The following TAFA1 variants were observed in gnomAD, a reference collection of about 807,000 sequenced individuals.
TAFA1 encodes chemokine-like protein TAFA-1.
Under a neutral mutation model 18.5 loss-of-function variants are expected in TAFA1, and 4 were observed. The ratio of observed to expected loss-of-function variants is 0.22; its 90% CI spans 0.11 to 0.49. TAFA1 has a LOEUF of 0.49. TAFA1 is among the 20% of genes least tolerant of loss of function. The pLI, the probability that TAFA1 is intolerant of heterozygous loss-of-function variation, is 0.98. For missense variants in TAFA1, 147 were observed against 169.0 expected (o/e 0.87, Z 0.72); for synonymous variants, 56 against 55.2 (o/e 1.01, Z -0.06).
intron 2 of TAFA1, among the ~76,000 whole-genome samples, chr3:68,099,214 C>T (rs1335403882): frequency 1.3e-5 from 2 of 151,988 alleles, no homozygotes; most frequent in Non-Finnish European, 2.9e-5. Context: ...ATAGAGTAAA[C>T]AGATAACCTA....
intron 2 of TAFA1, among the ~76,000 whole-genome samples, chr3:68,308,198 G>A (rs1266763592): frequency 6.6e-6 from 1 of 152,016 alleles, no homozygotes; most frequent in Non-Finnish European, 1.5e-5. Flanking sequence ...TTATACTGAA[G>A]GTAATTGTCT....
intron 2 of TAFA1, among the ~76,000 whole-genome samples, chr3:68,206,898 T>C (rs1417350375): frequency 6.6e-6 from 1 of 151,854 alleles, no homozygotes; most frequent in Non-Finnish European, 1.5e-5. Context: ...TCTCCACAGA[T>C]GCTAGGAGCT....
At chr3:68,526,561 G>T (rs2073113920) in intron 3 of TAFA1, among the ~76,000 whole-genome samples, 1 of 152,104 alleles carries the variant, frequency 6.6e-6, no homozygotes, top group African/African-American at 2.4e-5. Flanking sequence ...CTATAAAAAT[G>T]ATTACATATA....
intron 3 of TAFA1, among the ~76,000 whole-genome samples, chr3:68,510,490 G>A (rs191240868): frequency 2.0e-5 from 3 of 152,188 alleles, no homozygotes; most frequent in African/African-American, 7.2e-5. Flanking sequence ...TTAAACCAGG[G>A]AGCCACTGTG....
chr3:68,289,130 T>C (rs1001206012), intron 2 of TAFA1, among the ~76,000 whole-genome samples: 3 of 152,240 alleles, frequency 2.0e-5, no homozygotes, highest in Non-Finnish European at 4.4e-5. Flanking sequence ...TGCCTGTTCA[T>C]GTCTCTAACC....
At chr3:68,503,380 C>T (rs552705411) in intron 3 of TAFA1, among the ~76,000 whole-genome samples, 1 of 152,188 alleles carries the variant, frequency 6.6e-6, no homozygotes, top group East Asian at 1.9e-4. Context: ...TTAGCCTGCA[C>T]TAAAATGAAT....
chr3:68,287,546 C>A (rs905483941), intron 2 of TAFA1, among the ~76,000 whole-genome samples: 15 of 152,116 alleles, frequency 9.9e-5, no homozygotes, highest in African/African-American at 3.6e-4. Context: ...AGTCCAGAAG[C>A]GTGCATCTGG....
At chr3:68,332,296 T>G (rs1204636588) in intron 2 of TAFA1, among the ~76,000 whole-genome samples, 5 of 152,004 alleles carry the variant, frequency 3.3e-5, no homozygotes, top group Non-Finnish European at 7.4e-5. Context: ...ATGTAACATC[T>G]GAAACCATAA....
chr3:68,515,209 G>A (rs1005107297), intron 3 of TAFA1, among the ~76,000 whole-genome samples: 4 of 152,102 alleles, frequency 2.6e-5, no homozygotes, highest in South Asian at 4.1e-4. Flanking sequence ...CCAGAAATAA[G>A]AGTCTAAAAA....
intron 3 of TAFA1, among the ~76,000 whole-genome samples, chr3:68,482,584 T>G (rs1304037614): frequency 6.6e-6 from 1 of 152,198 alleles, no homozygotes; most frequent in African/African-American, 2.4e-5. Flanking sequence ...TCCATGAGTT[T>G]TGCCACACAG....
At chr3:68,324,443 A>G (rs2068745363) in intron 2 of TAFA1, among the ~76,000 whole-genome samples, 1 of 152,192 alleles carries the variant, frequency 6.6e-6, no homozygotes, top group Admixed American at 6.5e-5. Context: ...TGTAGTCAAT[A>G]AATGTTGAAT....
At chr3:68,401,610 C>T (rs762108802) in intron 2 of TAFA1, among the ~76,000 whole-genome samples, 11 of 152,180 alleles carry the variant, frequency 7.2e-5, no homozygotes, top group South Asian at 2.1e-4. Flanking sequence ...TGCGTCTTTT[C>T]GTCAGTAACA....
intron 2 of TAFA1, among the ~76,000 whole-genome samples, chr3:68,061,513 A>G (rs899961927): frequency 3.3e-5 from 5 of 152,198 alleles, no homozygotes; most frequent in African/African-American, 9.7e-5. Context: ...GGAATGGCAT[A>G]TACATCCTCA....
intron 2 of TAFA1, among the ~76,000 whole-genome samples, chr3:68,371,564 T>C (rs2069707451): frequency 6.6e-6 from 1 of 152,210 alleles, no homozygotes; most frequent in Non-Finnish European, 1.5e-5. Context: ...ATTCATTCTT[T>C]TTTATGGCTG....
intron 2 of TAFA1, among the ~76,000 whole-genome samples, chr3:68,378,839 A>G (rs943100149): frequency 6.6e-6 from 1 of 151,972 alleles, no homozygotes; most frequent in East Asian, 1.9e-4. Context: ...CCTCTTTCAC[A>G]CACTCCTCTC....
intron 2 of TAFA1, among the ~76,000 whole-genome samples, chr3:68,393,746 GA>G (rs2070313215): frequency 6.6e-6 from 1 of 151,942 alleles, no homozygotes; most frequent in African/African-American, 2.4e-5. Flanking sequence ...CACAGAAACA[GA>G]ATCAATGACA....
At chr3:68,395,067 T>C (rs1431056080) in intron 2 of TAFA1, among the ~76,000 whole-genome samples, 1 of 151,986 alleles carries the variant, frequency 6.6e-6, no homozygotes, top group East Asian at 1.9e-4. Context: ...AGGGCTAATA[T>C]CCAGAAACTA....
At chr3:68,349,022 T>C (rs953156677) in intron 2 of TAFA1, among the ~76,000 whole-genome samples, 1 of 151,682 alleles carries the variant, frequency 6.6e-6, no homozygotes, top group Non-Finnish European at 1.5e-5. Flanking sequence ...ACAAAGCTGA[T>C]GCCAATCTCC....
At chr3:68,478,395 A>G (rs1331008801) in intron 3 of TAFA1, among the ~76,000 whole-genome samples, 3 of 152,218 alleles carry the variant, frequency 2.0e-5, no homozygotes, top group African/African-American at 7.2e-5. Context: ...AACAGCATCT[A>G]TGACATAAAG....
Sources: allele counts gnomAD v4.1 joint callset (sites outside exome capture counted in the v4.1 genomes callset), GRCh38; gene constraint gnomAD v4.1.1; transcripts MANE v1.5; gene names NCBI Gene and HGNC (gene_info 2026-07-23, HGNC 2026-07-21).